LAMC1: variants seen among roughly 807,000 people sequenced by gnomAD.
The protein encoded by LAMC1 is laminin subunit gamma-1.
In LAMC1, 38 loss-of-function variants were observed where a neutral mutation model predicts 173.6. The ratio of observed to expected loss-of-function variants is 0.22; its 90% CI spans 0.17 to 0.29. The LOEUF (loss-of-function observed/expected upper bound fraction) is 0.29, where lower values mean the gene tolerates loss of function less well. LAMC1 is among the 10% of genes least tolerant of loss of function. The pLI is 1.00. For synonymous variants in LAMC1, 746 were observed against 749.1 expected (o/e 1.00, Z 0.07); for missense variants, 1,824 against 2,051.8 (o/e 0.89, Z 2.14).
chr1:183,056,661 G>A (rs977173326), intron 1 of LAMC1, among the ~76,000 whole-genome samples: 2 of 152,158 alleles, frequency 1.3e-5, no homozygotes, highest in African/African-American at 2.4e-5. Flanking sequence ...AGTCGACCAC[G>A]CTCATTATAC....
intron 1 of LAMC1, among the ~76,000 whole-genome samples, chr1:183,049,546 C>T (rs1186259896): frequency 6.6e-6 from 1 of 151,830 alleles, no homozygotes; most frequent in Non-Finnish European, 1.5e-5. Context: ...TCACTGCAAC[C>T]TCCGCTTCCC....
At chr1:183,062,273 C>T (rs1654761818) in intron 1 of LAMC1, among the ~76,000 whole-genome samples, 1 of 152,130 alleles carries the variant, frequency 6.6e-6, no homozygotes, top group Non-Finnish European at 1.5e-5. Context: ...ATACTATTTT[C>T]TTGTCAGAAC....
chr1:183,085,141 T>G (rs1571430295), intron 1 of LAMC1, among the ~76,000 whole-genome samples: 1 of 151,252 alleles, frequency 6.6e-6, no homozygotes, highest in East Asian at 1.9e-4. Context: ...TGCTTGAACC[T>G]AGGAGGTGGG....
chr1:183,137,595 A>G, intron 25 of LAMC1, 74 bp from the exon 26 acceptor site: 1 of 838,636 alleles, frequency 1.2e-6, no homozygotes, highest in South Asian at 3.1e-5. Context: ...TTTATAAATT[A>G]TAAAAGGAGC....
chr1:183,055,629 TG>T (rs1378214377), intron 1 of LAMC1, among the ~76,000 whole-genome samples: 1 of 151,838 alleles, frequency 6.6e-6, no homozygotes, highest in African/African-American at 2.4e-5. Flanking sequence ...CTGGCCAACA[TG>T]GTGAAACCCC....
intron 1 of LAMC1, among the ~76,000 whole-genome samples, chr1:183,090,828 A>G (rs1383579242): frequency 6.6e-6 from 1 of 152,068 alleles, no homozygotes; most frequent in African/African-American, 2.4e-5. Flanking sequence ...GAGGGTGGGT[A>G]TAGGAGGGGA....
chr1:183,101,534 C>G (rs1296588651), intron 1 of LAMC1, among the ~76,000 whole-genome samples: 1 of 151,430 alleles, frequency 6.6e-6, no homozygotes, highest in Non-Finnish European at 1.5e-5. Flanking sequence ...ATTCAGAATC[C>G]CAGTTCAGGG....
At chr1:183,083,199 A>C (rs909876517) in intron 1 of LAMC1, among the ~76,000 whole-genome samples, 4 of 152,188 alleles carry the variant, frequency 2.6e-5, no homozygotes, top group African/African-American at 9.7e-5. Context: ...TGCCATATAC[A>C]AATATTCTTT....
intron 1 of LAMC1, among the ~76,000 whole-genome samples, chr1:183,047,344 ATCAC>A (rs932794368): frequency 7.2e-5 from 11 of 152,206 alleles, no homozygotes; most frequent in Non-Finnish European, 1.2e-4. Context: ...TCATAACTAA[ATCAC>A]TCAATTACAG....
At chr1:183,053,026 T>G (rs1223508031) in intron 1 of LAMC1, among the ~76,000 whole-genome samples, 1 of 152,186 alleles carries the variant, frequency 6.6e-6, no homozygotes. Context: ...CTGTTCTTCC[T>G]AGTGTTGGTT....
intron 13 of LAMC1, among the ~76,000 whole-genome samples, 188 bp from the exon 14 acceptor site, chr1:183,124,443 G>A (rs1445524579): frequency 3.3e-5 from 5 of 152,238 alleles, no homozygotes; most frequent in Non-Finnish European, 5.9e-5. Context: ...TGAGGAAATA[G>A]AGATGTGCTC....
intron 1 of LAMC1, among the ~76,000 whole-genome samples, chr1:183,033,454 A>G (rs1653897996): frequency 6.6e-6 from 1 of 152,172 alleles, no homozygotes; most frequent in Non-Finnish European, 1.5e-5. Context: ...GTTTTGCTGC[A>G]GGTTTAGAGA....
At chr1:183,052,215 T>A (rs1349668371) in intron 1 of LAMC1, among the ~76,000 whole-genome samples, 2 of 152,290 alleles carry the variant, frequency 1.3e-5, no homozygotes, top group South Asian at 4.1e-4. Context: ...CATCCCTTTT[T>A]CTTTCTGTTC....
chr1:183,080,867 C>T (rs573805370), intron 1 of LAMC1, among the ~76,000 whole-genome samples: 3 of 151,854 alleles, frequency 2.0e-5, no homozygotes, highest in African/African-American at 7.2e-5. Flanking sequence ...CTAATGTTCT[C>T]AGATATTTTT....
chr1:183,069,854 A>G (rs1046245946), intron 1 of LAMC1, among the ~76,000 whole-genome samples: 1 of 152,182 alleles, frequency 6.6e-6, no homozygotes, highest in Non-Finnish European at 1.5e-5. Flanking sequence ...TTCTCCAGGT[A>G]GCCAGCACCA....
intron 1 of LAMC1, among the ~76,000 whole-genome samples, chr1:183,080,042 G>A (rs1655228815): frequency 6.6e-6 from 1 of 151,964 alleles, no homozygotes; most frequent in African/African-American, 2.4e-5. Context: ...TCAGGAGTTC[G>A]AGACTAGGCT....
intron 1 of LAMC1, among the ~76,000 whole-genome samples, chr1:183,064,205 C>T (rs1654808090): frequency 6.6e-6 from 1 of 152,168 alleles, no homozygotes. Flanking sequence ...TATAGTCATG[C>T]ATTACTTAAC....
At chr1:183,063,137 C>A (rs1366458979) in intron 1 of LAMC1, among the ~76,000 whole-genome samples, 1 of 152,086 alleles carries the variant, frequency 6.6e-6, no homozygotes, top group Non-Finnish European at 1.5e-5. Flanking sequence ...TAAGATGTTA[C>A]TTTGAACAGT....
Position 183,126,247 on chromosome 1 carries a change from C to T in LAMC1, c.2929C>T (p.Pro977Ser). The change falls in exon 16 of 28, where the codon CCT becomes TCT. Residue 977 changes from proline to serine, a missense_variant. Transcript: ENST00000258341. ...TGAGGTCAACCACTTTGGGTTTGGA[C>T]CTGAAGGCTGCAAACGTAAGGGGTG... ...RCEVNHFGFG[P>S]EGCKPCDCHP... is the part of the protein sequence containing the mutation. 1.2e-6 allele frequency: 2 copies of T among 1,613,690 alleles called. No homozygotes were observed. The highest frequency in any genetic ancestry group is 8.5e-7 in the Non-Finnish European group (1 of 1,179,898).
Sources: gnomAD v4.1 joint callset for allele counts (sites outside exome capture counted in the v4.1 genomes callset) on GRCh38, gnomAD v4.1.1 for gene constraint, MANE v1.5 for transcripts, NCBI Gene and HGNC (gene_info 2026-07-23, HGNC 2026-07-21) for gene names.